PRCP: variants seen among roughly 807,000 people sequenced by gnomAD.
PRCP encodes the protein prolylcarboxypeptidase, also known as lysosomal Pro-X carboxypeptidase.
PRCP carries 46 observed loss-of-function variants against 54.2 expected under a neutral mutation model. The ratio of observed to expected loss-of-function variants is 0.85; its 90% CI spans 0.67 to 1.09. The LOEUF is 1.09. Ranked by LOEUF, PRCP falls within the 50% of genes least tolerant of loss-of-function variation. The pLI is 0.00. For missense variants in PRCP, 613 were observed against 596.8 expected (o/e 1.03, Z -0.28); for synonymous variants, 240 against 212.2 (o/e 1.13, Z -1.14).
rs776184093 is a variant in PRCP, at chr11:82,825,051, G to A, written c.1346C>T (p.Thr449Ile). 1 of 1,614,022 alleles carries A rather than the reference G, an allele frequency of 6.2e-7. No individual in the cohort carries two copies. The highest frequency in any genetic ancestry group is 8.5e-7 in the Non-Finnish European group (1 of 1,179,980). ...TAAGTGGTGGGCCCCCTCTGAGATG[G>A]TGACTGCAACCAGAGTGTCTGTGAT... is the stretch of plus-strand genomic sequence containing the variant. ...KDITDTLVAV[T>I]ISEGAHHLDL... The change falls in exon 9 of 9, where the codon ACC (threonine) becomes ATC (isoleucine). Residue 449 changes from threonine to isoleucine, a missense_variant. Transcript: ENST00000313010.
At chr11:82,901,218 C>G (rs2121300478), upstream of PRCP, among the ~76,000 whole-genome samples, 1 of 152,276 alleles carries the variant, frequency 6.6e-6, no homozygotes, top group East Asian at 1.9e-4. Flanking sequence ...TTACACAGGT[C>G]GCCCCGGGTC....
rs1460240727 is a variant in PRCP, at chr11:82,838,524, C to T, written c.1137G>A (p.Met379Ile). Residue 379 changes from methionine (M) to isoleucine (I), a missense_variant, in exon 8 of 9, where the codon ATG becomes ATA. By Grantham distance (10) the Met-to-Ile change is conservative. Transcript: ENST00000313010. ...TTAAGTTCCATGAGTGAGGTTCAAA[C>T]ATGTCATCGACACCATTAGTACAAA... ...MPFCTNGVDD[M>I]FEPHSWNLKE... is the part of the protein sequence containing the mutation. 6.2e-7 allele frequency: 1 copy of T among 1,613,970 alleles called. No individual in the cohort carries two copies. The highest frequency in any genetic ancestry group is 8.5e-7 in the Non-Finnish European group (1 of 1,179,972).
At chr11:82,834,245 G>C (rs1040087188) in intron 8 of PRCP, among the ~76,000 whole-genome samples, 1 of 152,176 alleles carries the variant, frequency 6.6e-6, no homozygotes, top group Admixed American at 6.5e-5. Flanking sequence ...CCAGTCTCAG[G>C]TGTTTTGCTA....
chr11:82,853,646 C>T (rs1859012480), intron 2 of PRCP, among the ~76,000 whole-genome samples: 1 of 152,114 alleles, frequency 6.6e-6, no homozygotes, highest in African/African-American at 2.4e-5. Flanking sequence ...GGCCTCTTCC[C>T]TAACTCATTC....
intron 1 of PRCP, among the ~76,000 whole-genome samples, chr11:82,889,650 A>C (rs1382781790): frequency 6.6e-6 from 1 of 152,174 alleles, no homozygotes; most frequent in African/African-American, 2.4e-5. Context: ...TTGATAAAAG[A>C]GGTAAGGCCC....
chr11:82,888,376 T>C (rs772420782), intron 1 of PRCP, among the ~76,000 whole-genome samples: 3 of 152,220 alleles, frequency 2.0e-5, no homozygotes, highest in Non-Finnish European at 2.9e-5. Flanking sequence ...TGAACTAACA[T>C]GTATGCCATA....
chr11:82,877,878 C>A (rs1859644742), intron 1 of PRCP, among the ~76,000 whole-genome samples: 1 of 152,166 alleles, frequency 6.6e-6, no homozygotes, highest in Non-Finnish European at 1.5e-5. Flanking sequence ...GAATGGTAGA[C>A]CCACTGACAG....
intron 1 of PRCP, chr11:82,884,755 G>C: frequency 6.3e-7 from 1 of 1,598,962 alleles, no homozygotes. Flanking sequence ...CCATTTATTA[G>C]CTACTTAACC....
At chr11:82,866,237 G>A (rs949516617) in intron 1 of PRCP, among the ~76,000 whole-genome samples, 1 of 152,210 alleles carries the variant, frequency 6.6e-6, no homozygotes, top group Non-Finnish European at 1.5e-5. Context: ...TGTAGTGGTA[G>A]CAAAGGAAAT....
intron 1 of PRCP, among the ~76,000 whole-genome samples, chr11:82,870,429 T>C (rs1328414710): frequency 1.3e-5 from 2 of 152,148 alleles, no homozygotes; most frequent in Non-Finnish European, 2.9e-5. Flanking sequence ...ATGGGGTCAA[T>C]AGCACCAACA....
At chr11:82,874,198 C>G (rs1859544940) in intron 1 of PRCP, among the ~76,000 whole-genome samples, 1 of 152,136 alleles carries the variant, frequency 6.6e-6, no homozygotes, top group Admixed American at 6.5e-5. Context: ...ACCACGACAC[C>G]AGATAATCAA....
chr11:82,838,546 C>A lies in PRCP; in HGVS notation c.1115G>T (p.Cys372Phe), dbSNP rs1248873041. The A allele has an allele frequency of 6.2e-7, 1 of 1,613,728 alleles. No individual in the cohort carries two copies. Among genetic ancestry groups the A allele is most frequent in the Non-Finnish European group, 8.5e-7 (1 of 1,179,878 alleles). Residue 372 changes from cysteine to phenylalanine, a missense_variant, in exon 8 of 9, where the codon TGT becomes TTT. By Grantham distance (205) the Cys-to-Phe change is radical. Transcript: ENST00000313010. ...QACTEVVMPF[C>F]TNGVDDMFEP... ...AAACATGTCATCGACACCATTAGTA[C>A]AAAAGGGCATGACTACTTCTGTGCA...
chr11:82,826,261 A>G (rs542381393), intron 8 of PRCP: 1 of 152,346 alleles, frequency 6.6e-6, no homozygotes, highest in South Asian at 2.1e-4. Flanking sequence ...CACTCAGCGT[A>G]ATGTTTTCAA....
At chr11:82,899,076 G>A (rs1860187928) in intron 1 of PRCP, among the ~76,000 whole-genome samples, 2 of 152,202 alleles carry the variant, frequency 1.3e-5, no homozygotes, top group Admixed American at 1.3e-4. Flanking sequence ...ATTCACATAA[G>A]GGCTGGGCTC....
Position 82,824,853 on chromosome 11 carries a change from G to C in PRCP, c.*53C>G. 1 of 1,509,594 alleles carries C rather than the reference G, an allele frequency of 6.6e-7. No individual in the cohort carries two copies. Among genetic ancestry groups the C allele is most frequent in the Non-Finnish European group, 9.1e-7 (1 of 1,100,712 alleles). 93.5% of individuals were successfully genotyped at this position (1,509,594 alleles called of 1,614,324 possible). A position where few individuals can be genotyped will look rare whatever the true frequency, so the allele number is the denominator to read the frequency against. ...TACATGTAGAAAATCAAAGTGAATG[G>C]GAATGTGGTGGTGTGAACATAAAAG... is the stretch of plus-strand genomic sequence containing the variant. On this transcript the variant is annotated 3_prime_UTR_variant, in exon 9 of 9. Coordinates refer to ENST00000313010, the MANE Select transcript of PRCP (RefSeq NM_005040.4).
intron 1 of PRCP, among the ~76,000 whole-genome samples, chr11:82,870,458 A>AC (rs1266700576): frequency 6.6e-6 from 1 of 152,112 alleles, no homozygotes; most frequent in African/African-American, 2.4e-5. Context: ...TGACTTGGGA[A>AC]CCCCTTCTCC....
At chr11:82,857,514 A>G (rs888754141) in intron 2 of PRCP, among the ~76,000 whole-genome samples, 1 of 152,226 alleles carries the variant, frequency 6.6e-6, no homozygotes, top group Non-Finnish European at 1.5e-5. Context: ...TTAGCCAATC[A>G]CTTCATTTTT....
intron 2 of PRCP, among the ~76,000 whole-genome samples, chr11:82,859,479 A>G (rs1859160235): frequency 6.6e-6 from 1 of 152,202 alleles, no homozygotes; most frequent in African/African-American, 2.4e-5. Flanking sequence ...CACTAAACAT[A>G]CAAAAATTCC....
intron 8 of PRCP, chr11:82,825,965 G>A (rs1213246829): frequency 6.6e-6 from 1 of 152,146 alleles, no homozygotes; most frequent in Non-Finnish European, 1.5e-5. Context: ...GAACAGTTTT[G>A]TTGAGATATA....
Sources: allele counts gnomAD v4.1 joint callset (sites outside exome capture counted in the v4.1 genomes callset), GRCh38; gene constraint gnomAD v4.1.1; transcripts MANE v1.5; gene names NCBI Gene and HGNC (gene_info 2026-07-23, HGNC 2026-07-21).